Variants in PAPPA2 observed in about 807,000 individuals in gnomAD.
PAPPA2 encodes the protein pappalysin-2.
In PAPPA2, 86 loss-of-function variants were observed where a neutral mutation model predicts 176.4. That is an observed-to-expected ratio of 0.49 (90% CI 0.41 to 0.58). The LOEUF is 0.58. Among genes scored for constraint, PAPPA2 ranks in the 20% least tolerant of loss-of-function variants. The pLI is 0.00. For synonymous variants in PAPPA2, 809 were observed against 852.2 expected (o/e 0.95, Z 0.88); for missense variants, 2,073 against 2,256.9 (o/e 0.92, Z 1.65).
At chr1:176,568,369 A>G (rs1573053679) in intron 2 of PAPPA2, among the ~76,000 whole-genome samples, 1 of 152,238 alleles carries the variant, frequency 6.6e-6, no homozygotes, top group Non-Finnish European at 1.5e-5. Flanking sequence ...CTGTTTACAA[A>G]TATTAACTCA....
At chr1:176,701,372 A>G (rs994797607) in intron 8 of PAPPA2, among the ~76,000 whole-genome samples, 3 of 152,132 alleles carry the variant, frequency 2.0e-5, no homozygotes, top group African/African-American at 7.2e-5. Context: ...ATGGCTGGAC[A>G]AGCAGTCTGA....
chr1:176,745,343 G>A (rs566205455), intron 14 of PAPPA2, among the ~76,000 whole-genome samples: 6 of 152,210 alleles, frequency 3.9e-5, no homozygotes, highest in Admixed American at 1.3e-4. Flanking sequence ...TTTTCAGTTG[G>A]CTCTTCATCA....
At chr1:176,791,283 CT>C (rs1412303664) in intron 18 of PAPPA2, 63 bp from the exon 19 acceptor site, 18 of 1,332,666 alleles carry the variant, frequency 1.4e-5, no homozygotes, top group East Asian at 3.7e-5. Context: ...AATCAGACCA[CT>C]TTTTTCAACT....
rs563435695 is a variant in PAPPA2, at chr1:176,818,221, GT to G, written c.5202+18092del. ...TTTTGAGATGAAGAGACTGGAACAT[GT>G]TTATTGGCTTTGAGTAATAATCTGA... On this transcript the variant is annotated intron_variant, in intron 21 of 22. Coordinates refer to ENST00000367662, the MANE Select transcript of PAPPA2 (RefSeq NM_020318.3). 7.9e-5 allele frequency among the ~76,000 whole-genome samples: 12 copies of G among 152,308 alleles called. 1 individual carries two copies. The highest frequency in any genetic ancestry group is 7.2e-4 in the Admixed American group (11 of 15,298).
intron 1 of PAPPA2, among the ~76,000 whole-genome samples, chr1:176,477,197 G>A (rs1316101104): frequency 6.6e-6 from 1 of 152,094 alleles, no homozygotes; most frequent in Non-Finnish European, 1.5e-5. Context: ...CAGGATCATA[G>A]TCTCATTGCA....
At chr1:176,518,046 T>C (rs1421037827) in intron 1 of PAPPA2, among the ~76,000 whole-genome samples, 1 of 152,088 alleles carries the variant, frequency 6.6e-6, no homozygotes, top group Non-Finnish European at 1.5e-5. Flanking sequence ...TCTAACCCCC[T>C]TCATTTTAGA....
intron 3 of PAPPA2, among the ~76,000 whole-genome samples, chr1:176,611,792 T>C (rs1333757316): frequency 6.6e-6 from 1 of 152,218 alleles, no homozygotes; most frequent in Non-Finnish European, 1.5e-5. Context: ...AACTCAAATC[T>C]AAGGAATCTT....
At chr1:176,646,517 A>T (rs1657407309) in intron 3 of PAPPA2, among the ~76,000 whole-genome samples, 1 of 150,434 alleles carries the variant, frequency 6.6e-6, no homozygotes, top group East Asian at 2.0e-4. Flanking sequence ...GATTTTATCT[A>T]ACTGTATTTT....
At chr1:176,689,420 G>A (rs558784446) in intron 4 of PAPPA2, among the ~76,000 whole-genome samples, 2 of 152,288 alleles carry the variant, frequency 1.3e-5, no homozygotes, top group Admixed American at 1.3e-4. Flanking sequence ...ATATTCTCAT[G>A]GTGATTGTGA....
At chr1:176,558,320 G>T (rs919503195) in intron 2 of PAPPA2, among the ~76,000 whole-genome samples, 14 of 152,188 alleles carry the variant, frequency 9.2e-5, no homozygotes, top group Non-Finnish European at 8.8e-5. Flanking sequence ...TAGAACTCCA[G>T]GACACTTGAA....
chr1:176,634,795 GAGAGAGATAGATAGAT>G (rs775714436), intron 3 of PAPPA2, among the ~76,000 whole-genome samples: 49 of 103,902 alleles, frequency 4.7e-4, no homozygotes, highest in African/African-American at 9.0e-4. Flanking sequence ...AATTTCCAAG[GAGAGAGATAGATAGAT>G]AGATAGATAG....
At chr1:176,798,301 C>T (rs573403625) in intron 20 of PAPPA2, among the ~76,000 whole-genome samples, 2 of 152,244 alleles carry the variant, frequency 1.3e-5, no homozygotes, top group African/African-American at 4.8e-5. Flanking sequence ...AGATTTTGAA[C>T]TCTTTAAGGG....
Position 176,842,538 on chromosome 1 carries a change from A to G in PAPPA2, c.*84A>G. On this transcript the variant is annotated 3_prime_UTR_variant, in exon 23 of 23. Coordinates refer to ENST00000367662, the MANE Select transcript of PAPPA2 (RefSeq NM_020318.3). Reference sequence around the variant, plus strand: ...CCAGGAGGAAACAAAGGGTGAATGAAGAAGAACAATCATGAAATGGAAGAA... The same window carrying G: ...CCAGGAGGAAACAAAGGGTGAATGAGGAAGAACAATCATGAAATGGAAGAA... 8.2e-7 allele frequency: 1 copy of G among 1,219,870 alleles called. No homozygotes were observed. The highest frequency in any genetic ancestry group is 1.9e-5 in the Admixed American group (1 of 51,652). 75.6% of individuals were successfully genotyped at this position (1,219,870 alleles called of 1,614,324 possible). A position where few individuals can be genotyped will look rare whatever the true frequency, so the allele number is the denominator to read the frequency against.
intron 6 of PAPPA2, among the ~76,000 whole-genome samples, chr1:176,692,920 TG>T (rs1660185490): frequency 6.6e-6 from 1 of 152,124 alleles, no homozygotes; most frequent in African/African-American, 2.4e-5. Context: ...GATGATTTTT[TG>T]TCTCTTTGTC....
rs963193729 is a variant in PAPPA2 at position 176,687,870 on chromosome 1, GTAAAACT to G, written c.2138-2266_2138-2260del. 2.6e-5 allele frequency among the ~76,000 whole-genome samples: 4 copies of G among 152,122 alleles called. No individual in the cohort carries two copies. The East Asian group carries it at 5.8e-4, about 22-fold the overall frequency. ...TTCAAATAAGTTTGTAAAGCAAAGG[GTAAAACT>G]CAATTGATGAAGGACTTTTCGGGGC... On this transcript the variant is annotated intron_variant, in intron 4 of 22. Transcript: ENST00000367662.
intron 1 of PAPPA2, among the ~76,000 whole-genome samples, chr1:176,474,364 C>T (rs2102469500): frequency 6.6e-6 from 1 of 152,318 alleles, no homozygotes; most frequent in African/African-American, 2.4e-5. Context: ...TTGACCTGGC[C>T]TGGAAGTGAC....
At chr1:176,563,234 G>A (rs1316697363) in intron 2 of PAPPA2, among the ~76,000 whole-genome samples, 1 of 152,180 alleles carries the variant, frequency 6.6e-6, no homozygotes, top group African/African-American at 2.4e-5. Context: ...GTGGGATCCA[G>A]GGCAGTGGCT....
At chr1:176,725,196 A>G (rs1440279089) in intron 12 of PAPPA2, among the ~76,000 whole-genome samples, 4 of 152,178 alleles carry the variant, frequency 2.6e-5, no homozygotes, top group Admixed American at 2.6e-4. Flanking sequence ...ATTTCATATA[A>G]TTTTCATATT....
chr1:176,548,913 A>G (rs1416892216), intron 1 of PAPPA2, among the ~76,000 whole-genome samples: 1 of 152,184 alleles, frequency 6.6e-6, no homozygotes, highest in African/African-American at 2.4e-5. Flanking sequence ...GAGTCAAATC[A>G]TTTGAAAATG....
Sources: allele counts gnomAD v4.1 joint callset (sites outside exome capture counted in the v4.1 genomes callset), GRCh38; gene constraint gnomAD v4.1.1; transcripts MANE v1.5; gene names NCBI Gene and HGNC (gene_info 2026-07-23, HGNC 2026-07-21).